Variants in DENND5B observed in about 807,000 individuals in gnomAD.
DENND5B encodes the protein DENN domain-containing protein 5B.
A neutral mutation model predicts 140.6 loss-of-function variants in DENND5B; 34 were observed. The ratio of observed to expected loss-of-function variants is 0.24; its 90% CI spans 0.18 to 0.32. DENND5B has a LOEUF of 0.32. Ranked by LOEUF, DENND5B falls within the 10% of genes least tolerant of loss-of-function variation. The pLI, the probability that DENND5B is intolerant of heterozygous loss-of-function variation, is 1.00. For synonymous variants in DENND5B, 551 were observed against 562.1 expected, an observed-to-expected ratio of 0.98 and a Z score of 0.28; for missense variants, 1,142 against 1,560.2, an observed-to-expected ratio of 0.73 and a Z score of 4.52.
chr12:31,418,282 CTT>C (rs66507414), intron 11 of DENND5B, among the ~76,000 whole-genome samples: 5 of 133,032 alleles, frequency 3.8e-5, no homozygotes, highest in Non-Finnish European at 7.8e-5. Flanking sequence ...TTTTTCTTTT[CTT>C]TTTTTTTTTT....
In DENND5B at chr12:31,568,376, A is replaced by G. The variant is rs149246861; in HGVS notation, c.127+22330T>C. Among the ~76,000 whole-genome samples the G allele has an allele frequency of 3.2e-3, 488 of 152,226 alleles. 5 individuals carry two copies. The highest frequency in any genetic ancestry group is 0.011 in the African/African-American group (457 of 41,532). Reference sequence around the variant, plus strand: ...AAATATTTTGGATAAGGGATACTCAACCTGTATTGGGAATGTTTCCCAGCA... The same window carrying G: ...AAATATTTTGGATAAGGGATACTCAGCCTGTATTGGGAATGTTTCCCAGCA... On this transcript the variant is annotated intron_variant, in intron 1 of 20. Transcript: ENST00000389082.
At chr12:31,389,196 CAAAAGA>C in intron 20 of DENND5B, 122 bp downstream of exon 20, 1 of 927,894 alleles carries the variant, frequency 1.1e-6, no homozygotes, top group East Asian at 2.8e-5. Flanking sequence ...GACTCTGTTT[CAAAAGA>C]AAAAGTAAAA....
At chr12:31,471,446 C>T (rs1386609589) in intron 3 of DENND5B, among the ~76,000 whole-genome samples, 1 of 151,120 alleles carries the variant, frequency 6.6e-6, no homozygotes, top group African/African-American at 2.4e-5. Flanking sequence ...TACAATCGCA[C>T]ACCACCATGC....
chr12:31,400,860 TAGA>T (rs1941758660), intron 15 of DENND5B, among the ~76,000 whole-genome samples: 1 of 151,440 alleles, frequency 6.6e-6, no homozygotes, highest in African/African-American at 2.4e-5. Context: ...GTTTTTTTTT[TAGA>T]CAGAGTTTCG....
chr12:31,577,855 G>A (rs1163158199), intron 1 of DENND5B, among the ~76,000 whole-genome samples: 1 of 151,936 alleles, frequency 6.6e-6, no homozygotes, highest in Non-Finnish European at 1.5e-5. Context: ...CCAGTGCAGT[G>A]GCTCACGCCT....
intron 1 of DENND5B, among the ~76,000 whole-genome samples, chr12:31,496,440 C>A (rs1299798202): frequency 6.6e-6 from 1 of 152,198 alleles, no homozygotes; most frequent in African/African-American, 2.4e-5. Context: ...AACATCATTG[C>A]TGAGTCATCC....
intron 2 of DENND5B, among the ~76,000 whole-genome samples, chr12:31,494,229 C>A (rs1358363872): frequency 6.8e-6 from 1 of 147,894 alleles, no homozygotes; most frequent in Non-Finnish European, 1.5e-5. Context: ...CCTCTACCTA[C>A]CTACCTACCT....
intron 7 of DENND5B, 82 bp downstream of exon 7, chr12:31,442,693 A>T: frequency 7.0e-7 from 1 of 1,425,962 alleles, no homozygotes; most frequent in Non-Finnish European, 9.4e-7. Flanking sequence ...TTTAATAGTT[A>T]AGCATTGTCC....
intron 1 of DENND5B, among the ~76,000 whole-genome samples, chr12:31,500,943 C>T (rs1946980227): frequency 6.6e-6 from 1 of 152,102 alleles, no homozygotes; most frequent in Admixed American, 6.6e-5. Flanking sequence ...GGAGGAGTAA[C>T]CTATAGTATA....
intron 1 of DENND5B, among the ~76,000 whole-genome samples, chr12:31,578,467 G>A (rs148755275): frequency 1.6e-4 from 25 of 152,244 alleles, no homozygotes; most frequent in South Asian, 8.3e-4. Flanking sequence ...CATCAGTAAC[G>A]GTAGCTTACC....
intron 1 of DENND5B, among the ~76,000 whole-genome samples, chr12:31,572,381 C>T (rs1448362512): frequency 6.6e-6 from 1 of 152,016 alleles, no homozygotes; most frequent in Non-Finnish European, 1.5e-5. Context: ...TCTGATGGTG[C>T]GTAAAACAGA....
At chr12:31,411,420 C>G (rs1406664043) in intron 13 of DENND5B, among the ~76,000 whole-genome samples, 1 of 143,866 alleles carries the variant, frequency 7.0e-6, no homozygotes, top group Non-Finnish European at 1.5e-5. Context: ...TCTCGGCTCA[C>G]TGCAACTTCC....
intron 1 of DENND5B, among the ~76,000 whole-genome samples, chr12:31,510,362 C>T (rs1221661745): frequency 6.6e-6 from 1 of 152,202 alleles, no homozygotes; most frequent in Non-Finnish European, 1.5e-5. Flanking sequence ...GTCACCCAGG[C>T]TGGAGTGCAA....
intron 19 of DENND5B, among the ~76,000 whole-genome samples, chr12:31,390,744 C>G (rs1400823337): frequency 6.6e-6 from 1 of 152,080 alleles, no homozygotes; most frequent in Non-Finnish European, 1.5e-5. Context: ...CAAAAATTGG[C>G]CAGGCACAGT....
At chr12:31,495,496 A>G (rs959384799) in intron 2 of DENND5B, among the ~76,000 whole-genome samples, 2 of 149,116 alleles carry the variant, frequency 1.3e-5, no homozygotes, top group Admixed American at 1.4e-4. Flanking sequence ...CTCCTGCCTC[A>G]GCCTCCCGAG....
Position 31,383,445 on chromosome 12 carries a change from C to T in DENND5B, c.*4158G>A, listed in dbSNP as rs1940717252. 6.6e-6 allele frequency: 1 copy of T among 152,078 alleles called. No individual in the cohort carries two copies. The highest frequency in any genetic ancestry group is 2.4e-5 in the African/African-American group (1 of 41,416). The allele number at this position is 152,078 out of a possible 1,614,324, so 9.4% of individuals were successfully genotyped here. On this transcript the variant is annotated 3_prime_UTR_variant, in exon 21 of 21. Coordinates refer to ENST00000389082, the MANE Select transcript of DENND5B (RefSeq NM_144973.4). Reference sequence around the variant, plus strand: ...AATATGAGCAGTTCAGTATTTCCCCCATATCATTCATATAGTGTGATAGAA... The same window carrying T: ...AATATGAGCAGTTCAGTATTTCCCCTATATCATTCATATAGTGTGATAGAA...
intron 11 of DENND5B, among the ~76,000 whole-genome samples, chr12:31,420,309 A>AT (rs976385773): frequency 6.6e-6 from 1 of 151,602 alleles, no homozygotes. Flanking sequence ...AGAAAAATAA[A>AT]TTTTTTTTGT....
At chr12:31,514,274 G>A (rs534052574) in intron 1 of DENND5B, among the ~76,000 whole-genome samples, 27 of 152,228 alleles carry the variant, frequency 1.8e-4, no homozygotes, top group Admixed American at 1.4e-3. Context: ...TATAGTCAAG[G>A]TTTGTAGTAG....
At position 31,417,574 on chromosome 12, in the gene DENND5B, T is replaced by C. The variant is rs181277811; in HGVS notation, c.2471-2126A>G. Reference sequence around the variant, plus strand: ...TAACATTTATGAAAGCTAACAATTATGGGATTACAGGTGCGTGCCACCACA... The same window carrying C: ...TAACATTTATGAAAGCTAACAATTACGGGATTACAGGTGCGTGCCACCACA... On this transcript the variant is annotated intron_variant, in intron 11 of 20. Transcript: ENST00000389082. 2.7e-3 allele frequency among the ~76,000 whole-genome samples: 414 copies of C among 152,230 alleles called. 2 individuals carry two copies. The highest frequency in any genetic ancestry group is 0.02 in the Middle Eastern group (6 of 294).
Sources: gnomAD v4.1 joint callset for allele counts (sites outside exome capture counted in the v4.1 genomes callset) on GRCh38, gnomAD v4.1.1 for gene constraint, MANE v1.5 for transcripts, NCBI Gene and HGNC (gene_info 2026-07-23, HGNC 2026-07-21) for gene names.